VRK2: variants seen among roughly 807,000 people sequenced by gnomAD.
The protein encoded by VRK2 is VRK serine/threonine kinase 2.
In VRK2, 60 loss-of-function variants were observed where a neutral mutation model predicts 57.6. The ratio of observed to expected loss-of-function variants is 1.04; its 90% CI spans 0.85 to 1.29. VRK2 has a LOEUF of 1.29. Among genes scored for constraint, VRK2 ranks in the 50% most tolerant of loss-of-function variants. VRK2 has a pLI of 0.00. For synonymous variants in VRK2, 231 were observed against 199.2 expected (o/e 1.16, Z -1.35); for missense variants, 705 against 588.1 (o/e 1.20, Z -2.06).
chr2:58,069,136 T>TA (rs1205243283), intron 2 of VRK2, among the ~76,000 whole-genome samples: 1 of 152,220 alleles, frequency 6.6e-6, no homozygotes, highest in African/African-American at 2.4e-5. Context: ...TTGGGTCTCT[T>TA]ATTTCTAACA....
intron 1 of VRK2, among the ~76,000 whole-genome samples, chr2:57,976,631 A>C (rs1186806406): frequency 1.3e-5 from 2 of 152,074 alleles, no homozygotes; most frequent in Non-Finnish European, 2.9e-5. Flanking sequence ...TCTTTGTCGC[A>C]TTCATAATTT....
chr2:58,138,535 AGGGGGAAAGC>A (rs1558689145), intron 10 of VRK2, among the ~76,000 whole-genome samples: 3 of 152,150 alleles, frequency 2.0e-5, no homozygotes, highest in African/African-American at 7.2e-5. Flanking sequence ...TAACTTTAAT[AGGGGGAAAGC>A]GATGATGACT....
Position 58,135,196 on chromosome 2 carries a change from T to A in VRK2, c.853T>A (p.Cys285Ser), listed in dbSNP as rs1388440005. 15 of 1,614,202 alleles carry A rather than the reference T, an allele frequency of 9.3e-6. No individual in the cohort carries two copies. The highest frequency in any genetic ancestry group is 1.3e-5 in the Non-Finnish European group (15 of 1,180,028). The stretch of plus-strand genomic sequence containing the variant: ...TAAATGGGCTCCTTCTGGAAGCAGT[T>A]GCTGTAAGTCAAATAATAACTTCAA... ...VLKWAPSGSS[C>S]CEIAQFLVCA... Residue 285 changes from cysteine (C) to serine (S), a missense_variant, in exon 10 of 13, where the codon TGC becomes AGC. Cys to Ser is a moderately radical substitution (Grantham distance 112). Coordinates refer to ENST00000340157, the MANE Select transcript of VRK2 (RefSeq NM_006296.7).
intron 1 of VRK2, among the ~76,000 whole-genome samples, chr2:57,989,057 A>G (rs1217161024): frequency 6.6e-6 from 1 of 152,134 alleles, no homozygotes; most frequent in Non-Finnish European, 1.5e-5. Flanking sequence ...TTTCCTGAAC[A>G]TAGCAACCCT....
At chr2:58,155,873 T>C (rs1001343833) in intron 12 of VRK2, among the ~76,000 whole-genome samples, 6 of 151,348 alleles carry the variant, frequency 4.0e-5, no homozygotes, top group African/African-American at 1.5e-4. Flanking sequence ...CCTGTAGACC[T>C]GTCCTCCCCC....
intron 1 of VRK2, among the ~76,000 whole-genome samples, chr2:58,047,844 C>A (rs1675088910): frequency 6.6e-6 from 1 of 152,106 alleles, no homozygotes; most frequent in Non-Finnish European, 1.5e-5. Flanking sequence ...GAGGAAAAAC[C>A]CGTTAAAGGA....
At chr2:58,109,890 G>A (rs1333390185) in intron 7 of VRK2, among the ~76,000 whole-genome samples, 2 of 152,064 alleles carry the variant, frequency 1.3e-5, no homozygotes, top group Non-Finnish European at 2.9e-5. Context: ...TGGAGATGGG[G>A]TCTTACTCTG....
rs562694054 is a variant in VRK2, at chr2:58,139,706, A to C, written c.897A>C (p.Ala299=). ...AQFLVCAHSL[A]YDEKPNYQAL... The stretch of plus-strand genomic sequence containing the variant: ...TTTTGGTATGTGCTCATAGTTTAGC[A>C]TATGATGAAAAGCCAAACTATCAAG... The change falls in exon 11 of 13, where the codon GCA becomes GCC. Residue 299 remains alanine (A), a synonymous_variant. Transcript: ENST00000340157. 16 of 1,613,148 alleles carry C rather than the reference A, an allele frequency of 9.9e-6. No homozygotes were observed. In the South Asian group the frequency reaches 1.6e-4, roughly 17 times the overall value.
At position 58,135,140 on chromosome 2, in the gene VRK2, G is replaced by C; in HGVS notation, c.798-1G>C. ...TTGTGCATTACCTTATTTTGTTTTA[G>C]TCTGTTGGACGAGCTCCCCCAGTCA... On this transcript the variant is annotated splice_acceptor_variant, in intron 9 of 12. Coordinates refer to ENST00000340157, the MANE Select transcript of VRK2 (RefSeq NM_006296.7). LOFTEE classifies it high-confidence loss of function. 2 of 1,613,972 alleles carry C rather than the reference G, an allele frequency of 1.2e-6. No individual in the cohort carries two copies. The highest frequency in any genetic ancestry group is 1.7e-6 in the Non-Finnish European group (2 of 1,179,954).
intron 12 of VRK2, 71 bp from the exon 13 acceptor site, chr2:58,159,278 A>G (rs1684654702): frequency 1.7e-6 from 2 of 1,198,978 alleles, no homozygotes; most frequent in Non-Finnish European, 2.4e-6. Flanking sequence ...GCATTCTTAC[A>G]CACTACACAA....
At chr2:57,914,972 GTTGA>G (rs1222918047) in intron 1 of VRK2, among the ~76,000 whole-genome samples, 1 of 152,020 alleles carries the variant, frequency 6.6e-6, no homozygotes, top group Non-Finnish European at 1.5e-5. Context: ...GATGTTTACT[GTTGA>G]TTATTTTGAT....
chr2:57,974,211 G>C (rs1487951914), intron 1 of VRK2, among the ~76,000 whole-genome samples: 1 of 151,864 alleles, frequency 6.6e-6, no homozygotes. Flanking sequence ...GAAGAAAATG[G>C]ATCGAAAGAA....
At chr2:58,000,787 G>C (rs990536028) in intron 1 of VRK2, among the ~76,000 whole-genome samples, 1 of 152,088 alleles carries the variant, frequency 6.6e-6, no homozygotes, top group East Asian at 1.9e-4. Context: ...ATTCATACTC[G>C]ACTGCAAAAC....
rs1171033712 is a variant in VRK2, at chr2:58,109,060, AGT to A, written c.544-14038_544-14037del. 1.4e-4 allele frequency among the ~76,000 whole-genome samples: 22 copies of A among 152,174 alleles called. No homozygotes were observed. The East Asian group carries it at 3.7e-3, about 25-fold the overall frequency. On this transcript the variant is annotated intron_variant, in intron 7 of 12. Transcript: ENST00000340157. ...ATTCATTTTTCTTTTTCTTTTTTGA[AGT>A]GTATATTTCCTGTTTATTATGCTTG... is the stretch of plus-strand genomic sequence containing the variant.
chr2:58,081,757 T>G (rs917838441), intron 2 of VRK2, among the ~76,000 whole-genome samples: 5 of 151,814 alleles, frequency 3.3e-5, no homozygotes, highest in African/African-American at 1.2e-4. Context: ...CAGTTTTACA[T>G]TTGTGTATGA....
intron 1 of VRK2, among the ~76,000 whole-genome samples, chr2:57,996,875 T>C (rs1201837519): frequency 1.3e-5 from 2 of 151,686 alleles, no homozygotes; most frequent in Non-Finnish European, 2.9e-5. Flanking sequence ...TATAAATAGT[T>C]GTTGCACCAT....
intron 2 of VRK2, chr2:58,058,467 G>C: frequency 2.1e-6 from 1 of 467,768 alleles, no homozygotes; most frequent in Admixed American, 2.4e-5. Context: ...GAGGCGCATA[G>C]AGAACATAGC....
intron 1 of VRK2, among the ~76,000 whole-genome samples, chr2:57,996,817 T>C (rs2104099185): frequency 6.6e-6 from 1 of 152,266 alleles, no homozygotes; most frequent in South Asian, 2.1e-4. Context: ...CCATATGTTT[T>C]AAATTATCTC....
At chr2:58,059,144 ATATT>A (rs1311731165) in intron 2 of VRK2, among the ~76,000 whole-genome samples, 1 of 152,058 alleles carries the variant, frequency 6.6e-6, no homozygotes, top group Non-Finnish European at 1.5e-5. Flanking sequence ...AGAACATCTG[ATATT>A]TATAGTAAAC....
Sources: gnomAD v4.1 joint callset for allele counts (sites outside exome capture counted in the v4.1 genomes callset) on GRCh38, gnomAD v4.1.1 for gene constraint, MANE v1.5 for transcripts, NCBI Gene and HGNC (gene_info 2026-07-23, HGNC 2026-07-21) for gene names.